Variants in USP32 observed in about 807,000 individuals in gnomAD.
USP32 encodes the protein ubiquitin carboxyl-terminal hydrolase 32.
In USP32, 59 loss-of-function variants were observed where a neutral mutation model predicts 204.8. The observed-to-expected ratio is 0.29, with a 90% confidence interval of 0.23 to 0.36. The LOEUF (loss-of-function observed/expected upper bound fraction) is 0.36, where lower values mean the gene tolerates loss of function less well. Among genes scored for constraint, USP32 ranks in the 10% least tolerant of loss-of-function variants. USP32 has a pLI of 1.00. For synonymous variants in USP32, 517 were observed against 678.4 expected (o/e 0.76, Z 3.70); for missense variants, 1,160 against 1,946.4 (o/e 0.60, Z 7.60).
At chr17:60,222,652 A>C in intron 14 of USP32, 103 bp from the exon 15 acceptor site, 7 of 954,234 alleles carry the variant, frequency 7.3e-6, no homozygotes, top group Non-Finnish European at 1.1e-5. Flanking sequence ...ATCACCACCC[A>C]GTTTCATGTT....
At chr17:60,334,984 A>ATGTTTCT (rs1318178045) in intron 2 of USP32, among the ~76,000 whole-genome samples, 1 of 141,786 alleles carries the variant, frequency 7.1e-6, no homozygotes, top group Non-Finnish European at 1.5e-5. Context: ...ACAGTTGCTG[A>ATGTTTCT]TGTTTCTTGT....
chr17:60,194,421 C>A (rs2084462539), intron 27 of USP32, among the ~76,000 whole-genome samples: 1 of 152,158 alleles, frequency 6.6e-6, no homozygotes, highest in South Asian at 2.1e-4. Context: ...GCCACTTGTG[C>A]ATGATTTCTT....
At chr17:60,231,300 G>C (rs979310864) in intron 12 of USP32, among the ~76,000 whole-genome samples, 1 of 152,176 alleles carries the variant, frequency 6.6e-6, no homozygotes, top group Non-Finnish European at 1.5e-5. Context: ...ACTAGTGACT[G>C]AAATGCTAGC....
intron 9 of USP32, among the ~76,000 whole-genome samples, chr17:60,264,124 G>A (rs1014019755): frequency 2.6e-5 from 4 of 151,964 alleles, no homozygotes; most frequent in Non-Finnish European, 5.9e-5. Flanking sequence ...ATAAGTCAAG[G>A]ATTTTTTTTT....
chr17:60,369,902 T>C (rs2089404154), intron 1 of USP32, among the ~76,000 whole-genome samples: 1 of 152,060 alleles, frequency 6.6e-6, no homozygotes, highest in African/African-American at 2.4e-5. Context: ...CATGCTCAGC[T>C]AATTAAAAAA....
At chr17:60,335,427 ACATT>A (rs1339852383) in intron 2 of USP32, among the ~76,000 whole-genome samples, 1 of 143,158 alleles carries the variant, frequency 7.0e-6, no homozygotes, top group Non-Finnish European at 1.5e-5. Flanking sequence ...TCCAGTTCCT[ACATT>A]CAGGTCCAAG....
intron 6 of USP32, among the ~76,000 whole-genome samples, chr17:60,270,825 A>G (rs57687261): frequency 9.6e-4 from 140 of 145,980 alleles, no homozygotes; most frequent in African/African-American, 3.1e-3. Context: ...CTCTGCCTCA[A>G]AAAAAAAAAA....
In USP32 at chr17:60,200,716, TA is replaced by T. The variant is rs371220364; in HGVS notation, c.3250-2273del. Among the ~76,000 whole-genome samples, 201 of 145,802 alleles carry T rather than the reference TA, an allele frequency of 1.4e-3. 1 individual carries two copies. The highest frequency in any genetic ancestry group is 4.7e-3 in the African/African-American group (188 of 39,690). ...CTCCCTTCCTCACAAAGGTAACTATTATTCTAAATGTTACAGTAATCACTTT... is the reference window on the plus strand; with the variant it reads ...CTCCCTTCCTCACAAAGGTAACTATTTTCTAAATGTTACAGTAATCACTTT... On this transcript the variant is annotated intron_variant, in intron 26 of 33. Coordinates refer to ENST00000300896, the MANE Select transcript of USP32 (RefSeq NM_032582.4).
intron 1 of USP32, among the ~76,000 whole-genome samples, chr17:60,385,294 C>T (rs1438123901): frequency 6.6e-6 from 1 of 152,204 alleles, no homozygotes; most frequent in Non-Finnish European, 1.5e-5. Context: ...TCCCTATCTC[C>T]CTTCGCTGAC....
chr17:60,210,904 T>C (rs758772442), intron 21 of USP32, 109 bp downstream of exon 21: 69 of 1,441,280 alleles, frequency 4.8e-5, no homozygotes, highest in Non-Finnish European at 6.1e-5. Context: ...AAGTGAAGGA[T>C]CCAAAAACAT....
At position 60,178,526 on chromosome 17, in the gene USP32, C is replaced by T. The variant is rs528458005; in HGVS notation, c.*729G>A. On this transcript the variant is annotated 3_prime_UTR_variant, in exon 34 of 34. Transcript: ENST00000300896. ...GGAGGGCCATGGTAGCTGGATTTCC[C>T]AGGATGCTGTTTCTTTCTACTGGGT... Among the ~76,000 whole-genome samples, 2 of 152,258 alleles carry T rather than the reference C, an allele frequency of 1.3e-5. No homozygotes were observed. The highest frequency in any genetic ancestry group is 4.8e-5 in the African/African-American group (2 of 41,562).
intron 1 of USP32, among the ~76,000 whole-genome samples, chr17:60,346,592 A>ATT (rs1189132022): frequency 1.3e-5 from 2 of 152,198 alleles, no homozygotes; most frequent in Non-Finnish European, 2.9e-5. Flanking sequence ...CCATTACTTT[A>ATT]TTTTATGCAT....
At chr17:60,195,983 C>T (rs1001174501) in intron 27 of USP32, among the ~76,000 whole-genome samples, 8 of 152,140 alleles carry the variant, frequency 5.3e-5, no homozygotes, top group East Asian at 1.9e-4. Context: ...GGTAAAAAGC[C>T]GGCCTGGGCC....
intron 1 of USP32, among the ~76,000 whole-genome samples, chr17:60,398,624 C>G (rs1328163925): frequency 6.6e-6 from 1 of 152,078 alleles, no homozygotes; most frequent in African/African-American, 2.4e-5. Context: ...TCATAAAGCA[C>G]TTTTTGTGTG....
At chr17:60,180,724 T>G in intron 32 of USP32, 87 bp from the exon 33 acceptor site, 1 of 1,306,276 alleles carries the variant, frequency 7.7e-7, no homozygotes, top group South Asian at 1.3e-5. Flanking sequence ...AGGAGAACAC[T>G]GATCATGTAA....
At chr17:60,275,793 C>T (rs781275941) in intron 5 of USP32, among the ~76,000 whole-genome samples, 3 of 151,820 alleles carry the variant, frequency 2.0e-5, no homozygotes, top group Non-Finnish European at 2.9e-5. Context: ...CTCACTGTAA[C>T]GTCTGCCTCC....
chr17:60,190,017 T>C (rs1340048062), intron 29 of USP32, among the ~76,000 whole-genome samples: 1 of 152,116 alleles, frequency 6.6e-6, no homozygotes, highest in Non-Finnish European at 1.5e-5. Context: ...TGTTAGGAGG[T>C]GGGGCCTAGC....
At chr17:60,304,539 T>A (rs2087674276) in intron 2 of USP32, among the ~76,000 whole-genome samples, 1 of 152,188 alleles carries the variant, frequency 6.6e-6, no homozygotes. Flanking sequence ...TTTTCTTATT[T>A]TTAATCACTG....
intron 5 of USP32, among the ~76,000 whole-genome samples, chr17:60,275,259 C>A (rs1321496765): frequency 2.0e-5 from 3 of 152,128 alleles, no homozygotes; most frequent in Non-Finnish European, 1.5e-5. Flanking sequence ...GAGTACAAGA[C>A]CAGCCTAGGA....
Sources: allele counts gnomAD v4.1 joint callset (sites outside exome capture counted in the v4.1 genomes callset), GRCh38; gene constraint gnomAD v4.1.1; transcripts MANE v1.5; gene names NCBI Gene and HGNC (gene_info 2026-07-23, HGNC 2026-07-21).